Variants in FGGY observed in about 807,000 individuals in gnomAD.
FGGY encodes FGGY carbohydrate kinase domain-containing protein.
Under a neutral mutation model 71.3 loss-of-function variants are expected in FGGY, and 72 were observed. The ratio of observed to expected loss-of-function variants is 1.01; its 90% confidence interval spans 0.84 to 1.23. The LOEUF (loss-of-function observed/expected upper bound fraction) is 1.23. Among genes scored for constraint, FGGY ranks in the 50% most tolerant of loss-of-function variants. The pLI is 0.00. For missense variants in FGGY, 668 were observed against 682.3 expected (o/e 0.98, Z 0.23); for synonymous variants, 251 against 250.3 (o/e 1.00, Z -0.02).
chr1:59,419,931 T>A (rs2065125575), intron 5 of FGGY, among the ~76,000 whole-genome samples: 1 of 152,204 alleles, frequency 6.6e-6, no homozygotes, highest in Non-Finnish European at 1.5e-5. Flanking sequence ...AAGCTGTTGA[T>A]AAGTTGGCTT....
intron 13 of FGGY, 28 bp downstream of exon 13, chr1:59,667,431 C>A (rs759742526): frequency 6.2e-7 from 1 of 1,609,686 alleles, no homozygotes; most frequent in South Asian, 1.1e-5. Context: ...GAGAGAAGGT[C>A]ACTTTTTGGC....
chr1:59,691,313 C>T (rs538806189), intron 14 of FGGY, among the ~76,000 whole-genome samples: 1 of 152,270 alleles, frequency 6.6e-6, no homozygotes, highest in South Asian at 2.1e-4. Context: ...GTTGGAGGGC[C>T]CTCACCATGG....
intron 9 of FGGY, among the ~76,000 whole-genome samples, chr1:59,615,583 T>C (rs1263779225): frequency 6.6e-6 from 1 of 152,138 alleles, no homozygotes; most frequent in Non-Finnish European, 1.5e-5. Flanking sequence ...GACATAGGCA[T>C]GGGCAAGGAC....
intron 14 of FGGY, among the ~76,000 whole-genome samples, chr1:59,729,213 T>G (rs2097992071): frequency 6.6e-6 from 1 of 151,998 alleles, no homozygotes; most frequent in East Asian, 1.9e-4. Context: ...TTATTATTAT[T>G]ATTAGGATTT....
At chr1:59,669,623 G>C (rs893548342) in intron 13 of FGGY, among the ~76,000 whole-genome samples, 1 of 132,068 alleles carries the variant, frequency 7.6e-6, no homozygotes, top group Non-Finnish European at 1.5e-5. Context: ...TTGAACTCCT[G>C]ACCTCAAGTG....
At chr1:59,560,786 G>A (rs1320650953) in intron 8 of FGGY, among the ~76,000 whole-genome samples, 1 of 152,142 alleles carries the variant, frequency 6.6e-6, no homozygotes, top group Non-Finnish European at 1.5e-5. Context: ...ATGCATGGCT[G>A]GAGTGTGGTG....
intron 6 of FGGY, among the ~76,000 whole-genome samples, chr1:59,501,935 T>G (rs1271775994): frequency 2.0e-5 from 3 of 152,208 alleles, no homozygotes; most frequent in Non-Finnish European, 2.9e-5. Context: ...TCCAATACAC[T>G]GGGAATAGGG....
intron 8 of FGGY, among the ~76,000 whole-genome samples, chr1:59,592,076 C>T (rs552854152): frequency 6.6e-6 from 1 of 152,274 alleles, no homozygotes; most frequent in Non-Finnish European, 1.5e-5. Context: ...CTACAATGAA[C>T]TCAAACAAAT....
At chr1:59,397,604 G>A (rs1198680468) in intron 5 of FGGY, among the ~76,000 whole-genome samples, 3 of 152,222 alleles carry the variant, frequency 2.0e-5, no homozygotes, top group African/African-American at 7.2e-5. Flanking sequence ...GACATCTGCA[G>A]GGTGTAGGCA....
At chr1:59,452,407 A>G (rs1054952788) in intron 5 of FGGY, among the ~76,000 whole-genome samples, 1 of 152,136 alleles carries the variant, frequency 6.6e-6, no homozygotes, top group African/African-American at 2.4e-5. Context: ...CTTCTGTGGA[A>G]ATTTTAAACG....
intron 5 of FGGY, among the ~76,000 whole-genome samples, chr1:59,447,156 T>C (rs1236739520): frequency 4.6e-5 from 7 of 152,198 alleles, no homozygotes; most frequent in African/African-American, 1.4e-4. Flanking sequence ...AACTATTTTC[T>C]GATTGAAACT....
chr1:59,423,271 G>A (rs2065766928), intron 5 of FGGY, among the ~76,000 whole-genome samples: 1 of 152,178 alleles, frequency 6.6e-6, no homozygotes, highest in Non-Finnish European at 1.5e-5. Context: ...TGGCAAAGGA[G>A]TGTGGCAGCT....
intron 14 of FGGY, among the ~76,000 whole-genome samples, chr1:59,745,964 G>C (rs920201412): frequency 6.6e-6 from 1 of 152,186 alleles, no homozygotes; most frequent in Non-Finnish European, 1.5e-5. Flanking sequence ...AGTCTCAAGG[G>C]GGGCTGTGGG....
chr1:59,434,509 G>A (rs1322145900), intron 5 of FGGY, among the ~76,000 whole-genome samples: 2 of 152,224 alleles, frequency 1.3e-5, no homozygotes, highest in African/African-American at 4.8e-5. Flanking sequence ...GGGAACTAGA[G>A]AGGGCATACC....
intron 5 of FGGY, among the ~76,000 whole-genome samples, chr1:59,381,043 T>C (rs1365987968): frequency 1.3e-5 from 2 of 152,234 alleles, no homozygotes; most frequent in Non-Finnish European, 2.9e-5. Context: ...ATTTATTAAA[T>C]AGGGAATCCT....
chr1:59,540,119 A>G (rs1253054558), intron 7 of FGGY, among the ~76,000 whole-genome samples: 1 of 152,242 alleles, frequency 6.6e-6, no homozygotes. Flanking sequence ...GATAATGCCA[A>G]GTATTGATGG....
At chr1:59,467,887 GT>G (rs879460319) in intron 6 of FGGY, among the ~76,000 whole-genome samples, 2 of 144,698 alleles carry the variant, frequency 1.4e-5, no homozygotes, top group African/African-American at 5.0e-5. Flanking sequence ...TTTCTTTCTT[GT>G]TTTTTTTGTT....
At chr1:59,669,350 C>T (rs891549612) in intron 13 of FGGY, among the ~76,000 whole-genome samples, 14 of 152,030 alleles carry the variant, frequency 9.2e-5, no homozygotes, top group Non-Finnish European at 1.5e-4. Flanking sequence ...ACGCCACTTT[C>T]CTGAGATGTC....
At chr1:59,376,529 A>G (rs530556714) in intron 4 of FGGY, among the ~76,000 whole-genome samples, 2 of 152,322 alleles carry the variant, frequency 1.3e-5, no homozygotes, top group East Asian at 3.9e-4. Context: ...TAAAATAGAT[A>G]TAATAATACC....
Sources: gnomAD v4.1 joint callset for allele counts (sites outside exome capture counted in the v4.1 genomes callset) on GRCh38, gnomAD v4.1.1 for gene constraint, MANE v1.5 for transcripts, NCBI Gene and HGNC (gene_info 2026-07-23, HGNC 2026-07-21) for gene names.